The following OSBPL1A variants were observed in gnomAD, a reference collection of about 807,000 sequenced individuals.
OSBPL1A encodes oxysterol-binding protein-related protein 1.
In OSBPL1A, 80 loss-of-function variants were observed where a neutral mutation model predicts 137.1. The observed-to-expected ratio is 0.58, with a 90% CI of 0.49 to 0.70. OSBPL1A has a LOEUF of 0.70. OSBPL1A is among the 30% of genes least tolerant of loss of function. The pLI is 0.00. For synonymous variants in OSBPL1A, 365 were observed against 389.7 expected (o/e 0.94, Z 0.75); for missense variants, 970 against 1,129.4 (o/e 0.86, Z 2.02).
chr18:24,335,511 T>C (rs1472164724), intron 5 of OSBPL1A, among the ~76,000 whole-genome samples: 6 of 152,214 alleles, frequency 3.9e-5, no homozygotes, highest in Admixed American at 3.9e-4. Flanking sequence ...ATGGAATATG[T>C]CGGTAAGATC....
intron 15 of OSBPL1A, among the ~76,000 whole-genome samples, chr18:24,255,611 A>T (rs2089249217): frequency 6.6e-6 from 1 of 152,122 alleles, no homozygotes; most frequent in Admixed American, 6.5e-5. Flanking sequence ...TTCCAGACCG[A>T]ACCAATGTTC....
At chr18:24,359,697 A>T (rs186664849) in intron 4 of OSBPL1A, among the ~76,000 whole-genome samples, 29 of 147,280 alleles carry the variant, frequency 2.0e-4, no homozygotes, top group South Asian at 1.9e-3. Flanking sequence ...AATAAAAATT[A>T]AAAAAAAATA....
chr18:24,281,021 C>T (rs373087056), intron 14 of OSBPL1A, 73 bp from the exon 15 acceptor site: 3 of 865,842 alleles, frequency 3.5e-6, no homozygotes, highest in Non-Finnish European at 5.3e-6. Context: ...CACAAAAATA[C>T]TCTCATATCT....
intron 23 of OSBPL1A, 110 bp from the exon 24 acceptor site, chr18:24,170,563 C>T (rs1420561125): frequency 1.3e-5 from 16 of 1,205,294 alleles, no homozygotes; most frequent in Admixed American, 2.0e-5. Context: ...CCAGGCCTGA[C>T]CCTGCTTAGC....
rs745512779 is a variant in OSBPL1A at position 24,333,022 on chromosome 18, C to T, written c.545G>A (p.Cys182Tyr). 1 of 1,614,122 alleles carries T rather than the reference C, an allele frequency of 6.2e-7. No individual in the cohort carries two copies. Among genetic ancestry groups the T allele is most frequent in the East Asian group, 2.2e-5 (1 of 44,886 alleles). The change falls in exon 7 of 28, where the codon TGT (cysteine) becomes TAT (tyrosine). Residue 182 changes from cysteine (C) to tyrosine (Y), a missense_variant. By Grantham distance (194) the Cys-to-Tyr change is radical. Around this residue, in one of 2 missense-constraint regions of OSBPL1A, gnomAD observed 647 missense variants for 672.6 expected, o/e 0.96. Coordinates refer to ENST00000319481, the MANE Select transcript of OSBPL1A (RefSeq NM_080597.4). Reference sequence around the variant, plus strand: ...TTGTTTATGGGCCCGGTAAGCTGCACAATGCAAGGGTGTATTTCCTAACTG... The same window carrying T: ...TTGTTTATGGGCCCGGTAAGCTGCATAATGCAAGGGTGTATTTCCTAACTG... Reference protein sequence around the residue: ...SDQLGNTPLHCAAYRAHKQCA... With the variant: ...SDQLGNTPLHYAAYRAHKQCA...
chr18:24,271,218 G>A lies in OSBPL1A; in HGVS notation c.1281+9624C>T, dbSNP rs1051960819. Among the ~76,000 whole-genome samples the A allele has an allele frequency of 2.6e-5, 4 of 152,184 alleles. No individual in the cohort carries two copies. Among genetic ancestry groups the A allele is most frequent in the Non-Finnish European group, 5.9e-5 (4 of 68,042 alleles). On this transcript the variant is annotated intron_variant, in intron 15 of 27. Transcript: ENST00000319481. This position sits in a 1 kb window ranked among gnomAD's most constrained non-coding sequence, Gnocchi z 4.0. ...GAGCGGATGGTAAGTTCATCTCAAT[G>A]TCAGCCGGAGCACAGCCATGCGAAA...
Position 24,167,326 on chromosome 18 carries a change from C to G in OSBPL1A, c.2535+3G>C, listed in dbSNP as rs755815141. On this transcript the variant is annotated splice_donor_region_variant and intron_variant, in intron 25 of 27. Transcript: ENST00000319481. ...AGGCCACAGCCAGCAAGCCCAGTCTCACCTGGGCAGAATTTGGAGGCCGTG... is the reference window on the plus strand; with the variant it reads ...AGGCCACAGCCAGCAAGCCCAGTCTGACCTGGGCAGAATTTGGAGGCCGTG... 3 of 1,610,624 alleles carry G rather than the reference C, an allele frequency of 1.9e-6. No homozygotes were observed. Among genetic ancestry groups the G allele is most frequent in the South Asian group, 2.2e-5 (2 of 91,004 alleles).
chr18:24,359,522 T>C (rs2091589969), intron 4 of OSBPL1A, among the ~76,000 whole-genome samples: 1 of 151,548 alleles, frequency 6.6e-6, no homozygotes, highest in East Asian at 2.0e-4. Flanking sequence ...TGAAACCCTG[T>C]CTCTACAAAA....
chr18:24,342,857 TTGAG>T (rs2146158191), intron 4 of OSBPL1A, among the ~76,000 whole-genome samples: 1 of 152,182 alleles, frequency 6.6e-6, no homozygotes, highest in Admixed American at 6.6e-5. Context: ...TTTTTCATAT[TTGAG>T]TATTATTATA....
At chr18:24,202,787 A>G (rs1430872679) in intron 17 of OSBPL1A, among the ~76,000 whole-genome samples, 1 of 152,260 alleles carries the variant, frequency 6.6e-6, no homozygotes, top group African/African-American at 2.4e-5. Flanking sequence ...CAGGTACTCC[A>G]GAACAAAAGG....
chr18:24,199,143 G>A (rs2087132798), intron 17 of OSBPL1A, among the ~76,000 whole-genome samples: 1 of 152,076 alleles, frequency 6.6e-6, no homozygotes, highest in Non-Finnish European at 1.5e-5. Context: ...ACAGGTGTGA[G>A]CCACCACACC....
intron 18 of OSBPL1A, among the ~76,000 whole-genome samples, chr18:24,191,214 G>T (rs541696829): frequency 6.6e-6 from 1 of 152,302 alleles, no homozygotes; most frequent in Non-Finnish European, 1.5e-5. Context: ...TTTCAAAGTT[G>T]TGTTTTTAGT....
chr18:24,295,060 A>T (rs534540973), intron 14 of OSBPL1A, among the ~76,000 whole-genome samples: 3 of 152,350 alleles, frequency 2.0e-5, no homozygotes, highest in African/African-American at 7.2e-5. Flanking sequence ...TTTTCACCAC[A>T]TCCACACCAA....
chr18:24,193,392 G>A (rs1227349437), intron 18 of OSBPL1A, among the ~76,000 whole-genome samples: 1 of 151,552 alleles, frequency 6.6e-6, no homozygotes, highest in Non-Finnish European at 1.5e-5. Context: ...GGAGGCTGAG[G>A]CAGGAGAATC....
At chr18:24,378,716 A>T (rs1906371694) in intron 1 of OSBPL1A, among the ~76,000 whole-genome samples, 1 of 152,214 alleles carries the variant, frequency 6.6e-6, no homozygotes, top group Admixed American at 6.5e-5. Flanking sequence ...TTCAAAACAG[A>T]GCAGAGCAAA....
chr18:24,258,586 A>T (rs996801485), intron 15 of OSBPL1A, among the ~76,000 whole-genome samples: 2 of 152,228 alleles, frequency 1.3e-5, no homozygotes, highest in African/African-American at 4.8e-5. Context: ...GGGTGACTAT[A>T]GTCAAAATAA....
intron 13 of OSBPL1A, among the ~76,000 whole-genome samples, chr18:24,306,923 C>G (rs573151397): frequency 1.6e-4 from 24 of 152,148 alleles, no homozygotes; most frequent in African/African-American, 5.8e-4. Context: ...GCACTTATCT[C>G]TAAGTCTTCC....
chr18:24,272,113 GGCCCTCCGAGGA>G, intron 15 of OSBPL1A: 1 of 983,562 alleles, frequency 1.0e-6, no homozygotes, highest in Non-Finnish European at 1.2e-6. Flanking sequence ...AAGCCTGCAC[GGCCCTCCGAGGA>G]GAGGTCGGGG....
At chr18:24,194,534 G>A (rs542573180) in intron 18 of OSBPL1A, among the ~76,000 whole-genome samples, 13 of 152,240 alleles carry the variant, frequency 8.5e-5, no homozygotes, top group African/African-American at 3.1e-4. Flanking sequence ...GTTCCAAAGA[G>A]ACAAACGTGT....
Sources: gnomAD v4.1 joint callset for allele counts (sites outside exome capture counted in the v4.1 genomes callset) on GRCh38, gnomAD v4.1.1 for gene constraint, gnomAD v4.1.1 regional missense constraint, Gnocchi (gnomAD v3.1) non-coding constraint, MANE v1.5 for transcripts, NCBI Gene and HGNC (gene_info 2026-07-23, HGNC 2026-07-21) for gene names.